The following KIF21B variants were observed in gnomAD, a reference collection of about 807,000 sequenced individuals.
KIF21B encodes the protein kinesin-like protein KIF21B.
In KIF21B, 85 loss-of-function variants were observed where a neutral mutation model predicts 192.9. The ratio of observed to expected loss-of-function variants is 0.44; its 90% CI spans 0.37 to 0.53. The LOEUF (loss-of-function observed/expected upper bound fraction) is 0.53. Among genes scored for constraint, KIF21B ranks in the 20% least tolerant of loss-of-function variants. The pLI, the probability that KIF21B is intolerant of heterozygous loss-of-function variation, is 0.00. For synonymous variants in KIF21B, 832 were observed against 884.6 expected (o/e 0.94, Z 1.05); for missense variants, 1,716 against 2,194.8 (o/e 0.78, Z 4.36).
intron 30 of KIF21B, among the ~76,000 whole-genome samples, chr1:200,977,788 G>T (rs1365991290): frequency 6.6e-6 from 1 of 150,886 alleles, no homozygotes; most frequent in Non-Finnish European, 1.5e-5. Context: ...AGGCTGGAGC[G>T]CAATGGCATG....
At chr1:200,977,156 TG>T in intron 31 of KIF21B, 55 bp downstream of exon 31, 1 of 1,565,090 alleles carries the variant, frequency 6.4e-7, no homozygotes. Context: ...AACCAAGACC[TG>T]GGGACCTTGC....
At chr1:200,981,723 T>C (rs1655944604) in intron 28 of KIF21B, among the ~76,000 whole-genome samples, 1 of 152,166 alleles carries the variant, frequency 6.6e-6, no homozygotes, top group Non-Finnish European at 1.5e-5. Flanking sequence ...TACGAAGGGC[T>C]AAATCCCTTT....
chr1:200,979,900 TA>T (rs1307121065), intron 29 of KIF21B, among the ~76,000 whole-genome samples, 185 bp from the exon 30 acceptor site: 1 of 152,144 alleles, frequency 6.6e-6, no homozygotes, highest in Non-Finnish European at 1.5e-5. Context: ...TGTGTGCTAG[TA>T]AAAAACTCAG....
rs568817621 is a variant in KIF21B, at chr1:201,009,250, C to T, written c.264+16G>A. ...CAAGGCTGGAGCCGCCATAGGTGGG[C>T]GTGAAGATGGCTTACCTGCCCATAG... On this transcript the variant is annotated intron_variant, in intron 2 of 34. Transcript: ENST00000461742. 7.6e-5 allele frequency: 122 copies of T among 1,610,788 alleles called. 1 individual carries two copies. Among genetic ancestry groups the T allele is most frequent in the African/African-American group, 4.9e-4 (37 of 74,984 alleles).
At chr1:201,011,502 G>A (rs1024507004) in intron 1 of KIF21B, among the ~76,000 whole-genome samples, 6 of 152,192 alleles carry the variant, frequency 3.9e-5, no homozygotes, top group African/African-American at 7.2e-5. Flanking sequence ...ATGCTACACC[G>A]TCTCTAAAGA....
At chr1:200,987,290 G>A in intron 24 of KIF21B, 89 bp from the exon 25 acceptor site, 2 of 1,067,890 alleles carry the variant, frequency 1.9e-6, no homozygotes, top group South Asian at 1.6e-5. Context: ...TTTTTTTTTT[G>A]AGACAGTGGT....
Position 200,975,773 on chromosome 1 carries a change from G to T in KIF21B, c.4444-104C>A. 5.9e-6 allele frequency: 7 copies of T among 1,192,344 alleles called. No homozygotes were observed. In the South Asian group the frequency reaches 9.5e-5, roughly 16 times the overall value. The allele number at this position is 1,192,344 out of a possible 1,614,324, so 73.9% of individuals were successfully genotyped here. On this transcript the variant is annotated intron_variant, in intron 32 of 34. Transcript: ENST00000461742. This position sits in a 1 kb window ranked among gnomAD's most constrained non-coding sequence, Gnocchi z 4.3. Reference sequence around the variant, plus strand: ...CCTGAAGACCCAGGAGTCTGGCTAGGGTGACAGCCACTGCCCTCTGGGGAG... The same window carrying T: ...CCTGAAGACCCAGGAGTCTGGCTAGTGTGACAGCCACTGCCCTCTGGGGAG...
intron 30 of KIF21B, among the ~76,000 whole-genome samples, 196 bp downstream of exon 30, chr1:200,979,339 G>C (rs528347242): frequency 6.6e-6 from 1 of 152,294 alleles, no homozygotes; most frequent in South Asian, 2.1e-4. Context: ...TAGTGGTGCT[G>C]CCCCAGACAC....
intron 3 of KIF21B, among the ~76,000 whole-genome samples, chr1:201,007,057 CACACACAG>C (rs201269162): frequency 0.019 from 2,710 of 142,112 alleles, 130 homozygotes; most frequent in East Asian, 0.064. Context: ...TAGACACACA[CACACACAG>C]ACACACACAG....
intron 9 of KIF21B, chr1:201,001,850 A>G (rs1393994129): frequency 2.6e-6 from 1 of 390,656 alleles, no homozygotes; most frequent in African/African-American, 2.0e-5. Flanking sequence ...GGGAAAATAC[A>G]CACCAAGCTG....
chr1:201,014,086 G>A (rs1658370781), intron 1 of KIF21B, among the ~76,000 whole-genome samples: 3 of 152,264 alleles, frequency 2.0e-5, no homozygotes, highest in African/African-American at 7.2e-5. Context: ...GGTAGAGCGG[G>A]CGCGAGAGCG....
intron 34 of KIF21B, 93 bp from the exon 35 acceptor site, chr1:200,973,671 C>T (rs1308287323): frequency 2.7e-6 from 4 of 1,506,426 alleles, no homozygotes. Flanking sequence ...CTGGATTCCC[C>T]AAACTCCCCA....
At chr1:200,984,435 A>G (rs296557) in intron 27 of KIF21B, among the ~76,000 whole-genome samples, 62,358 of 152,122 alleles carry the variant, frequency 0.41, 14,757 homozygotes, top group South Asian at 0.62. Context: ...GAGGAAGGCA[A>G]TTTGGGGGTC....
Position 200,987,213 on chromosome 1 carries a change from A to C in KIF21B, c.3409-12T>G. The stretch of plus-strand genomic sequence containing the variant: ...AGTTTGGGCTCGCTCTGGGAAAAGA[A>C]GAACAGGGTGGATCAACTTGCCCAA... On this transcript the variant is annotated splice_polypyrimidine_tract_variant and intron_variant, in intron 24 of 34. Transcript: ENST00000461742. 2 of 1,605,232 alleles carry C rather than the reference A, an allele frequency of 1.2e-6. No homozygotes were observed. The highest frequency in any genetic ancestry group is 1.7e-6 in the Non-Finnish European group (2 of 1,174,932).
Position 200,992,340 on chromosome 1 carries a change from A to T in KIF21B, c.2327T>A (p.Val776Glu), listed in dbSNP as rs760527078. ...MREEQQRRRL[V>E]ETKRNREIAQ... Reference sequence around the variant, plus strand: ...GATCTCCCGGTTCCTCTTGGTCTCCACTAGCCGCCGCCGCTGTTGCTCCTC... The same window carrying T: ...GATCTCCCGGTTCCTCTTGGTCTCCTCTAGCCGCCGCCGCTGTTGCTCCTC... Residue 776 changes from valine to glutamate, a missense_variant, in exon 16 of 35, where the codon GTG becomes GAG. Coordinates refer to ENST00000461742, the MANE Select transcript of KIF21B (RefSeq NM_001252102.2). 3 of 1,613,248 alleles carry T rather than the reference A, an allele frequency of 1.9e-6. 1 individual carries two copies. The highest frequency in any genetic ancestry group is 2.2e-5 in the South Asian group (2 of 91,092).
At chr1:201,003,893 C>T in intron 7 of KIF21B, 112 bp from the exon 8 acceptor site, 5 of 1,110,442 alleles carry the variant, frequency 4.5e-6, no homozygotes, top group South Asian at 1.4e-5. Context: ...CCTTAATGCC[C>T]AAAGCACGTG....
chr1:201,004,261 C>G (rs553298298), intron 7 of KIF21B, 79 bp downstream of exon 7: 10 of 1,213,496 alleles, frequency 8.2e-6, no homozygotes, highest in African/African-American at 1.5e-5. Context: ...GGCAGGCTTG[C>G]GCCATACCCA....
chr1:201,021,886 C>T (rs1045864944), intron 1 of KIF21B, among the ~76,000 whole-genome samples: 1 of 152,138 alleles, frequency 6.6e-6, no homozygotes, highest in African/African-American at 2.4e-5. Context: ...CTCACTCCCA[C>T]CCCCCAGCCA....
At chr1:201,006,742 G>A (rs1418183918) in intron 3 of KIF21B, among the ~76,000 whole-genome samples, 2 of 152,094 alleles carry the variant, frequency 1.3e-5, no homozygotes, top group African/African-American at 2.4e-5. Context: ...ATGTGAGAGA[G>A]AAGCTTATTG....
Sources: allele counts gnomAD v4.1 joint callset (sites outside exome capture counted in the v4.1 genomes callset), GRCh38; gene constraint gnomAD v4.1.1; non-coding constraint Gnocchi (gnomAD v3.1); transcripts MANE v1.5; gene names NCBI Gene and HGNC (gene_info 2026-07-23, HGNC 2026-07-21).